The following MDGA2 variants were observed in gnomAD, a reference collection of about 807,000 sequenced individuals.
MDGA2 encodes MAM domain-containing glycosylphosphatidylinositol anchor protein 2.
In MDGA2, 40 loss-of-function variants were observed where a neutral mutation model predicts 117.8. The ratio of observed to expected loss-of-function variants is 0.34; its 90% CI spans 0.26 to 0.44. MDGA2 has a LOEUF of 0.44. Among genes scored for constraint, MDGA2 ranks in the 20% least tolerant of loss-of-function variants. The pLI is 1.00. For synonymous variants in MDGA2, 452 were observed against 439.0 expected (o/e 1.03, Z -0.37); for missense variants, 1,123 against 1,250.6 (o/e 0.90, Z 1.54).
chr14:47,428,624 A>G (rs1892737393), intron 1 of MDGA2, among the ~76,000 whole-genome samples: 1 of 151,994 alleles, frequency 6.6e-6, no homozygotes, highest in Admixed American at 6.6e-5. Context: ...AAACCCAAAT[A>G]AGAAACCCTA....
intron 9 of MDGA2, among the ~76,000 whole-genome samples, chr14:46,953,059 T>C (rs978798418): frequency 2.0e-5 from 3 of 151,884 alleles, no homozygotes; most frequent in African/African-American, 7.2e-5. Flanking sequence ...AGAAGTGCAA[T>C]AGATATAAAA....
At chr14:47,520,246 T>C (rs1245659318) in intron 1 of MDGA2, among the ~76,000 whole-genome samples, 1 of 152,180 alleles carries the variant, frequency 6.6e-6, no homozygotes, top group East Asian at 1.9e-4. Flanking sequence ...GATGTTTTCC[T>C]CTCTTTTGAA....
intron 5 of MDGA2, among the ~76,000 whole-genome samples, chr14:47,112,382 C>T (rs540186805): frequency 6.6e-6 from 1 of 152,214 alleles, no homozygotes; most frequent in African/African-American, 2.4e-5. Context: ...AGCTATTTAT[C>T]GTGATGCTCT....
intron 10 of MDGA2, among the ~76,000 whole-genome samples, chr14:46,907,914 C>T (rs1883559370): frequency 6.6e-6 from 1 of 152,096 alleles, no homozygotes; most frequent in South Asian, 2.1e-4. Context: ...TACTTTCTGT[C>T]TTCTCCTTAG....
chr14:47,083,066 C>T (rs1890766802), intron 6 of MDGA2, among the ~76,000 whole-genome samples: 1 of 151,684 alleles, frequency 6.6e-6, no homozygotes, highest in Non-Finnish European at 1.5e-5. Flanking sequence ...AAAATTAGGA[C>T]AGAGCACAAA....
At chr14:47,514,452 G>A (rs1232299058) in intron 1 of MDGA2, among the ~76,000 whole-genome samples, 1 of 152,034 alleles carries the variant, frequency 6.6e-6, no homozygotes, top group Non-Finnish European at 1.5e-5. Flanking sequence ...AGAAGGAGGG[G>A]TATTTAGATG....
intron 1 of MDGA2, among the ~76,000 whole-genome samples, chr14:47,535,687 G>C (rs966564878): frequency 6.6e-6 from 1 of 152,086 alleles, no homozygotes; most frequent in Non-Finnish European, 1.5e-5. Context: ...CAAAAAGGAG[G>C]ACACAAATAA....
At chr14:47,409,589 G>A (rs1892329401) in intron 1 of MDGA2, among the ~76,000 whole-genome samples, 1 of 152,076 alleles carries the variant, frequency 6.6e-6, no homozygotes, top group Non-Finnish European at 1.5e-5. Flanking sequence ...TTTCTAATCA[G>A]TACTGTAGGT....
At chr14:46,854,894 T>A (rs1407146744) in intron 15 of MDGA2, 130 bp downstream of exon 15, 2 of 780,506 alleles carry the variant, frequency 2.6e-6, no homozygotes, top group Non-Finnish European at 3.7e-6. Flanking sequence ...AAGCAAAACC[T>A]AATCATATAA....
chr14:47,467,422 G>C (rs1893626585), intron 1 of MDGA2, among the ~76,000 whole-genome samples: 1 of 152,096 alleles, frequency 6.6e-6, no homozygotes, highest in South Asian at 2.1e-4. Context: ...TCCAATAAAA[G>C]TTCTTGATAA....
chr14:47,092,738 A>G (rs1429002306), intron 6 of MDGA2, among the ~76,000 whole-genome samples: 1 of 152,108 alleles, frequency 6.6e-6, no homozygotes, highest in Non-Finnish European at 1.5e-5. Context: ...ATTGGTAAGC[A>G]TTTCCAACAG....
rs890341183 is a variant in MDGA2 at position 47,079,863 on chromosome 14, C to A, written c.1195+16991G>T. 7.4e-4 allele frequency among the ~76,000 whole-genome samples: 112 copies of A among 151,534 alleles called. 2 individuals carry two copies. Among genetic ancestry groups the A allele is most frequent in the African/African-American group, 2.6e-3 (109 of 41,290 alleles). On this transcript the variant is annotated intron_variant, in intron 6 of 16. Coordinates refer to ENST00000399232, the MANE Select transcript of MDGA2 (RefSeq NM_001113498.3). The stretch of plus-strand genomic sequence containing the variant: ...TCTCCTGCCTCAGCCTCCCGAGTAG[C>A]TGGGACTACAGGCGCCCGCCACCAC...
intron 5 of MDGA2, among the ~76,000 whole-genome samples, chr14:47,097,965 TTTC>T (rs1239967672): frequency 1.3e-5 from 2 of 151,972 alleles, no homozygotes; most frequent in Non-Finnish European, 2.9e-5. Flanking sequence ...GTACAAAAAC[TTTC>T]TTCACATATA....
At chr14:46,976,891 G>C (rs1168747741) in intron 8 of MDGA2, among the ~76,000 whole-genome samples, 1 of 151,892 alleles carries the variant, frequency 6.6e-6, no homozygotes, top group African/African-American at 2.4e-5. Context: ...CTAATGAGTA[G>C]ATAATTGCAG....
chr14:47,443,434 G>A (rs1027021479), intron 1 of MDGA2, among the ~76,000 whole-genome samples: 2 of 152,078 alleles, frequency 1.3e-5, no homozygotes, highest in Admixed American at 6.6e-5. Context: ...ATGACACTAG[G>A]AGAGCTCTAG....
intron 3 of MDGA2, among the ~76,000 whole-genome samples, chr14:47,199,910 A>C (rs990099142): frequency 3.2e-4 from 48 of 152,148 alleles, no homozygotes; most frequent in African/African-American, 1.1e-3. Flanking sequence ...TCCTTAAGTA[A>C]ATTTAAAAGT....
chr14:47,101,376 A>G (rs1880316124), intron 5 of MDGA2, among the ~76,000 whole-genome samples: 1 of 152,168 alleles, frequency 6.6e-6, no homozygotes, highest in African/African-American at 2.4e-5. Flanking sequence ...CTCCTGGCAA[A>G]CAAAGTTTTC....
chr14:47,039,037 T>C (rs1888966495), intron 7 of MDGA2, among the ~76,000 whole-genome samples: 1 of 152,188 alleles, frequency 6.6e-6, no homozygotes, highest in Non-Finnish European at 1.5e-5. Context: ...GTATAATTTC[T>C]CAAACCTGTT....
At chr14:47,402,341 C>T (rs2416063) in intron 1 of MDGA2, among the ~76,000 whole-genome samples, 2 of 131,302 alleles carry the variant, frequency 1.5e-5, no homozygotes, top group Admixed American at 7.7e-5. Context: ...CCCCCGCCCC[C>T]CCACCCCGCA....
Sources: gnomAD v4.1 joint callset for allele counts (sites outside exome capture counted in the v4.1 genomes callset) on GRCh38, gnomAD v4.1.1 for gene constraint, MANE v1.5 for transcripts, NCBI Gene and HGNC (gene_info 2026-07-23, HGNC 2026-07-21) for gene names.